Variants in SHANK2 observed in about 807,000 individuals in gnomAD.
SHANK2 encodes the protein SH3 and multiple ankyrin repeat domains 2, also known as SH3 and multiple ankyrin repeat domains protein 2.
Under a neutral mutation model 133.7 loss-of-function variants are expected in SHANK2, and 43 were observed. The ratio of observed to expected loss-of-function variants is 0.32; its 90% CI spans 0.25 to 0.41. The LOEUF is 0.41. Ranked by LOEUF, SHANK2 falls within the 10% of genes least tolerant of loss-of-function variation. SHANK2 has a pLI of 1.00. For missense variants in SHANK2, 1,994 were observed against 2,235.8 expected, an observed-to-expected ratio of 0.89 and a Z score of 2.18; for synonymous variants, 1,017 against 952.8, an observed-to-expected ratio of 1.07 and a Z score of -1.24.
In SHANK2 at chr11:71,147,148, C is replaced by T. The variant is rs782494595; in HGVS notation, c.179G>A (p.Arg60His). 37 of 1,549,706 alleles carry T rather than the reference C, an allele frequency of 2.4e-5. No homozygotes were observed. The highest frequency in any genetic ancestry group is 2.2e-4 in the East Asian group (9 of 40,908). Reference sequence around the variant, plus strand: ...CTGCTGCAGGTCATGGATGACCACGCGGATCACCAGCGTGTTGCCCTGGCT... The same window carrying T: ...CTGCTGCAGGTCATGGATGACCACGTGGATCACCAGCGTGTTGCCCTGGCT... The part of the protein sequence containing the change: ...EESQGNTLVI[R>H]VVIHDLQQTK... Residue 60 changes from arginine (R) to histidine (H), a missense_variant, in exon 3 of 26, where the codon CGC becomes CAC. This residue lies in a region of SHANK2 where 653 missense variants were observed against 563.4 expected (regional missense o/e 1.16). Coordinates refer to ENST00000601538, the MANE Select transcript of SHANK2 (RefSeq NM_012309.5).
chr11:70,894,191 G>GT (rs1555075255), intron 11 of SHANK2, among the ~76,000 whole-genome samples: 1 of 152,102 alleles, frequency 6.6e-6, no homozygotes, highest in Admixed American at 6.5e-5. Flanking sequence ...TTTTTGTTTT[G>GT]TTTTGTTTTT....
chr11:70,473,596 G>A lies in SHANK2; in HGVS notation c.4980-157C>T. Reference sequence around the variant, plus strand: ...GTGAACGAATGATTTGCCATGCCAGGGTGGGGGAGGGGGAGAAAGGGGCCA... The same window carrying A: ...GTGAACGAATGATTTGCCATGCCAGAGTGGGGGAGGGGGAGAAAGGGGCCA... On this transcript the variant is annotated intron_variant, in intron 25 of 25. Coordinates refer to ENST00000601538, the MANE Select transcript of SHANK2 (RefSeq NM_012309.5). The surrounding 1 kb of genome is among the most constrained non-coding windows in gnomAD (Gnocchi z 5.9). The A allele has an allele frequency of 1.3e-6, 1 of 758,950 alleles. No homozygotes were observed. Among genetic ancestry groups the A allele is most frequent in the Non-Finnish European group, 2.3e-6 (1 of 439,642 alleles). The allele number at this position is 758,950 out of a possible 1,614,324, so 47.0% of individuals were successfully genotyped here. A position where few individuals can be genotyped will look rare whatever the true frequency, so the allele number is the denominator to read the frequency against.
At chr11:70,747,654 T>C (rs782553819) in intron 14 of SHANK2, among the ~76,000 whole-genome samples, 2 of 152,178 alleles carry the variant, frequency 1.3e-5, no homozygotes, top group African/African-American at 4.8e-5. Flanking sequence ...CCCAATTCCA[T>C]GCTGAATAGC....
chr11:70,592,859 C>A (rs1471068130), intron 17 of SHANK2, among the ~76,000 whole-genome samples: 1 of 152,190 alleles, frequency 6.6e-6, no homozygotes, highest in Admixed American at 6.5e-5. Context: ...AGAGGGACAC[C>A]CAGACATCCC....
intron 9 of SHANK2, among the ~76,000 whole-genome samples, chr11:71,059,979 C>A (rs1239695113): frequency 6.6e-6 from 1 of 152,262 alleles, no homozygotes; most frequent in South Asian, 2.1e-4. Flanking sequence ...CTCCACAGAC[C>A]GTGCTGAGTG....
At chr11:70,884,291 G>A (rs1239695750) in intron 11 of SHANK2, among the ~76,000 whole-genome samples, 1 of 152,196 alleles carries the variant, frequency 6.6e-6, no homozygotes, top group Non-Finnish European at 1.5e-5. Flanking sequence ...GCGTGGAACG[G>A]GCCCCTAGGG....
At chr11:70,581,686 G>GTCAATCAA (rs200049317) in intron 17 of SHANK2, among the ~76,000 whole-genome samples, 9 of 151,998 alleles carry the variant, frequency 5.9e-5, no homozygotes, top group East Asian at 1.9e-4. Context: ...GCGAGACTCT[G>GTCAATCAA]TCAATCAATC....
chr11:71,101,909 C>T (rs1333894881), intron 6 of SHANK2, among the ~76,000 whole-genome samples: 3 of 152,162 alleles, frequency 2.0e-5, no homozygotes, highest in Non-Finnish European at 4.4e-5. Context: ...TGAGTACACC[C>T]CGACCCTGGA....
chr11:70,493,419 C>A (rs2058925746), intron 21 of SHANK2, among the ~76,000 whole-genome samples: 1 of 148,984 alleles, frequency 6.7e-6, no homozygotes, highest in African/African-American at 2.5e-5. Context: ...TATAAGGGAT[C>A]CTTAGCAATT....
Position 70,486,871 on chromosome 11 carries a change from A to C in SHANK2, c.3422T>G (p.Leu1141Arg). The stretch of plus-strand genomic sequence containing the variant: ...CGTGGCACTCGGCATGGGGGATGAC[A>C]GCTGCTCAGCGCTGTCCTCGTCAGC... ...DFADEDSAEQ[L>R]SSPMPSATPR... Residue 1141 changes from leucine (L) to arginine (R), a missense_variant, in exon 25 of 26, where the codon CTG becomes CGG. By Grantham distance (102) the Leu-to-Arg change is moderately radical. Around this residue, in one of 5 missense-constraint regions of SHANK2, gnomAD observed 797 missense variants for 907.4 expected, o/e 0.88. Coordinates refer to ENST00000601538, the MANE Select transcript of SHANK2 (RefSeq NM_012309.5). This position sits in a 1 kb window ranked among gnomAD's most constrained non-coding sequence, Gnocchi z 8.0. The C allele has an allele frequency of 9.3e-6, 15 of 1,612,718 alleles. No homozygotes were observed. Among genetic ancestry groups the C allele is most frequent in the Non-Finnish European group, 1.3e-5 (15 of 1,179,914 alleles).
At chr11:70,529,317 C>T (rs895728281) in intron 17 of SHANK2, among the ~76,000 whole-genome samples, 1 of 152,206 alleles carries the variant, frequency 6.6e-6, no homozygotes, top group Non-Finnish European at 1.5e-5. Flanking sequence ...AGATGGGAGG[C>T]TGGGCCCAGA....
chr11:70,825,656 C>T (rs1423683613), intron 11 of SHANK2, among the ~76,000 whole-genome samples: 1 of 152,142 alleles, frequency 6.6e-6, no homozygotes, highest in African/African-American at 2.4e-5. Context: ...TTGCAACGAG[C>T]TGGGGCTGGG....
chr11:70,950,416 C>G (rs1202379465), intron 10 of SHANK2, among the ~76,000 whole-genome samples: 1 of 152,156 alleles, frequency 6.6e-6, no homozygotes, highest in Non-Finnish European at 1.5e-5. Context: ...GTCTCGAACT[C>G]CTGACCTCAG....
intron 8 of SHANK2, among the ~76,000 whole-genome samples, chr11:71,081,952 G>T (rs989483027): frequency 2.7e-3 from 405 of 152,330 alleles, no homozygotes; most frequent in African/African-American, 9.5e-3. Context: ...CACCCTGGAG[G>T]TGCTCATCTG....
chr11:70,709,800 A>G (rs1945740419), intron 14 of SHANK2, among the ~76,000 whole-genome samples: 1 of 149,028 alleles, frequency 6.7e-6, no homozygotes, highest in South Asian at 2.3e-4. Flanking sequence ...GAGCGAGTCC[A>G]TGTGACGGCT....
chr11:70,494,867 G>GC (rs2058946739), intron 21 of SHANK2, among the ~76,000 whole-genome samples: 1 of 152,162 alleles, frequency 6.6e-6, no homozygotes, highest in African/African-American at 2.4e-5. Flanking sequence ...AGGCCTGCAG[G>GC]CTCACTGGGC....
intron 7 of SHANK2, among the ~76,000 whole-genome samples, chr11:71,094,304 G>T (rs1951568285): frequency 6.6e-6 from 1 of 152,126 alleles, no homozygotes; most frequent in African/African-American, 2.4e-5. Context: ...GGTGAAAGAT[G>T]ACTTCTTGGG....
At chr11:71,109,612 C>A (rs907019857) in intron 6 of SHANK2, among the ~76,000 whole-genome samples, 2 of 152,222 alleles carry the variant, frequency 1.3e-5, no homozygotes, top group Non-Finnish European at 2.9e-5. Context: ...TACAAACATA[C>A]GTGTCTGTAA....
intron 17 of SHANK2, among the ~76,000 whole-genome samples, chr11:70,525,618 G>A (rs919270910): frequency 2.0e-5 from 3 of 152,056 alleles, no homozygotes; most frequent in Admixed American, 1.3e-4. Flanking sequence ...GAACAGGAGC[G>A]AACAGGGTCC....
Sources: allele counts gnomAD v4.1 joint callset (sites outside exome capture counted in the v4.1 genomes callset), GRCh38; gene constraint gnomAD v4.1.1; regional missense constraint gnomAD v4.1.1; non-coding constraint Gnocchi (gnomAD v3.1); transcripts MANE v1.5; gene names NCBI Gene and HGNC (gene_info 2026-07-23, HGNC 2026-07-21).